Variants in CABLES1 observed in about 807,000 individuals in gnomAD.
CABLES1 encodes CDK5 and ABL1 enzyme substrate 1.
In CABLES1, 36 loss-of-function variants were observed where a neutral mutation model predicts 57.8. That is an observed-to-expected ratio of 0.62 (90% CI 0.48 to 0.82). The LOEUF (loss-of-function observed/expected upper bound fraction) is 0.82. Ranked by LOEUF, CABLES1 falls within the 40% of genes least tolerant of loss-of-function variation. The pLI, the probability that CABLES1 is intolerant of heterozygous loss-of-function variation, is 0.00. For missense variants in CABLES1, 767 were observed against 836.6 expected (o/e 0.92, Z 1.03); for synonymous variants, 374 against 363.0 (o/e 1.03, Z -0.35).
chr18:23,219,013 C>T (rs766202795), intron 4 of CABLES1: 16 of 364,542 alleles, frequency 4.4e-5, no homozygotes, highest in Admixed American at 1.4e-4. Flanking sequence ...TAAGTAAAAG[C>T]AGGGTGTTTG....
intron 3 of CABLES1, among the ~76,000 whole-genome samples, chr18:23,206,349 C>G (rs12456526): frequency 0.075 from 11,465 of 152,306 alleles, 918 homozygotes; most frequent in Admixed American, 0.22. Context: ...CCATGCCACC[C>G]TCAGCTACGC....
intron 1 of CABLES1, among the ~76,000 whole-genome samples, chr18:23,180,539 C>G (rs991243229): frequency 6.6e-6 from 1 of 152,090 alleles, no homozygotes; most frequent in African/African-American, 2.4e-5. Context: ...TTTGTAGAGA[C>G]AGGGTCTCAC....
At chr18:23,236,136 C>T (rs2047608243) in intron 6 of CABLES1, 85 bp downstream of exon 6, 3 of 1,443,138 alleles carry the variant, frequency 2.1e-6, no homozygotes, top group African/African-American at 1.4e-5. Flanking sequence ...CCCTGTGATG[C>T]AGACTGGAAG....
chr18:23,157,342 G>T (rs571255309), intron 1 of CABLES1, among the ~76,000 whole-genome samples: 1 of 152,216 alleles, frequency 6.6e-6, no homozygotes, highest in Non-Finnish European at 1.5e-5. Flanking sequence ...GTAAAGGCGG[G>T]GGGGCGGTGG....
rs150489161 is a variant in CABLES1, at chr18:23,182,280, C to G, written c.846-6558C>G. Among the ~76,000 whole-genome samples, 4 of 152,334 alleles carry G rather than the reference C, an allele frequency of 2.6e-5. No homozygotes were observed. The East Asian group carries it at 7.7e-4, about 29-fold the overall frequency. The stretch of plus-strand genomic sequence containing the variant: ...CCTCAGTGCTCCAGGCTAACTAGCT[C>G]TCTTTCTTCTTGCTTGTTGAACCTT... On this transcript the variant is annotated intron_variant, in intron 1 of 9. Transcript: ENST00000256925.
Position 23,257,212 on chromosome 18 carries a change from TTC to T in CABLES1, c.1762-13_1762-12del, listed in dbSNP as rs760059232. The stretch of plus-strand genomic sequence containing the variant: ...TTTCAAAATGAACATGCTTTTGATT[TTC>T]TTTTTGTTGCAGAAACTGGAAGAGA... On this transcript the variant is annotated splice_polypyrimidine_tract_variant and intron_variant, in intron 9 of 9. Transcript: ENST00000256925. 2.1e-5 allele frequency: 34 copies of T among 1,603,460 alleles called. No individual in the cohort carries two copies. The Middle Eastern group carries it at 6.6e-4, about 31-fold the overall frequency.
intron 1 of CABLES1, among the ~76,000 whole-genome samples, chr18:23,143,465 G>A (rs938351502): frequency 2.0e-5 from 3 of 152,166 alleles, no homozygotes; most frequent in Admixed American, 6.5e-5. Context: ...TACCACCTCC[G>A]CCCTGGGCGG....
intron 1 of CABLES1, among the ~76,000 whole-genome samples, chr18:23,157,383 T>G (rs2047891598): frequency 6.6e-6 from 1 of 152,138 alleles, no homozygotes; most frequent in African/African-American, 2.4e-5. Flanking sequence ...CTGGAAAGAA[T>G]CTGCTTTCTC....
rs2048237505 is a variant in CABLES1, at chr18:23,259,256, TA to T, written c.*1890del. On this transcript the variant is annotated 3_prime_UTR_variant, in exon 10 of 10. Coordinates refer to ENST00000256925, the MANE Select transcript of CABLES1 (RefSeq NM_001100619.3). Reference sequence around the variant, plus strand: ...CCTTTCTGAGAAGCAGGTCCTGTGGTATCTGAGAATGGTCTAGAGAGCTCCC... The same window carrying T: ...CCTTTCTGAGAAGCAGGTCCTGTGGTTCTGAGAATGGTCTAGAGAGCTCCC... 6.6e-6 allele frequency: 1 copy of T among 151,788 alleles called. No individual in the cohort carries two copies. 9.4% of individuals were successfully genotyped at this position (151,788 alleles called of 1,614,324 possible).
Position 23,150,207 on chromosome 18 carries a change from G to GTTTTTTTTTTTTTTTT in CABLES1, c.845+13604_845+13619dup, listed in dbSNP as rs10638130. ...TTTAAGGTCATAGTAGTTGGTGTTT[G>GTTTTTTTTTTTTTTTT]TTTTTTTTTTTTTTTTTTTGAGACG... is the stretch of plus-strand genomic sequence containing the variant. On this transcript the variant is annotated intron_variant, in intron 1 of 9. Transcript: ENST00000256925. Among the ~76,000 whole-genome samples the GTTTTTTTTTTTTTTTT allele has an allele frequency of 1.0e-4, 11 of 106,662 alleles. 1 individual carries two copies. Among genetic ancestry groups the GTTTTTTTTTTTTTTTT allele is most frequent in the African/African-American group, 4.5e-4 (11 of 24,394 alleles). 70.0% of individuals were successfully genotyped at this position (106,662 alleles called of 152,430 possible).
rs1404633687 is a variant in CABLES1, at chr18:23,253,936, C to T, written c.1761C>T (p.Asp587=). 11 of 1,613,688 alleles carry T rather than the reference C, an allele frequency of 6.8e-6. No individual in the cohort carries two copies. The highest frequency in any genetic ancestry group is 4.4e-5 in the South Asian group (4 of 91,088). ...LKKHEVKHLI[D]KLEEKFRLNR... ...AACACGAAGTCAAGCATTTAATTGACGTAAGTAGCCTTTTTCCTGGTGGCT... is the reference window on the plus strand; with the variant it reads ...AACACGAAGTCAAGCATTTAATTGATGTAAGTAGCCTTTTTCCTGGTGGCT... Residue 587 remains aspartate (D), a splice_region_variant and synonymous_variant, in exon 9 of 10, where the codon GAC becomes GAT. Coordinates refer to ENST00000256925, the MANE Select transcript of CABLES1 (RefSeq NM_001100619.3).
Position 23,257,229 on chromosome 18 carries a change from A to G in CABLES1, c.1764A>G (p.Lys588=). Residue 588 remains lysine, a splice_region_variant and synonymous_variant, in exon 10 of 10, where the codon AAA becomes AAG. Transcript: ENST00000256925. ...TTTTGATTTTCTTTTTGTTGCAGAA[A>G]CTGGAAGAGAAGTTCCGGCTGAACA... The part of the protein sequence containing the change: ...KKHEVKHLID[K]LEEKFRLNRR... 6.2e-7 allele frequency: 1 copy of G among 1,603,060 alleles called. No homozygotes were observed. The highest frequency in any genetic ancestry group is 8.5e-7 in the Non-Finnish European group (1 of 1,177,578).
chr18:23,135,779 C>T lies in CABLES1; in HGVS notation c.17C>T (p.Ala6Val). The T allele has an allele frequency of 1.0e-6, 1 of 962,906 alleles. No homozygotes were observed. The highest frequency in any genetic ancestry group is 4.9e-5 in the South Asian group (1 of 20,606). 59.6% of individuals were successfully genotyped at this position (962,906 alleles called of 1,614,324 possible). A position where few individuals can be genotyped will look rare whatever the true frequency, so the allele number is the denominator to read the frequency against. The part of the protein sequence containing the change: MAAAA[A>V]AATTAACSSG... ...ACGGACACAATGGCGGCGGCGGCGG[C>T]GGCCGCCACCACGGCCGCCTGCAGC... Residue 6 changes from alanine to valine, a missense_variant, in exon 1 of 10, where the codon GCG becomes GTG. Physicochemically the swap from Ala to Val is moderately conservative, Grantham distance 64. This residue lies in a region of CABLES1 where 198 missense variants were observed against 149.7 expected (regional missense o/e 1.32). Transcript: ENST00000256925.
intron 1 of CABLES1, among the ~76,000 whole-genome samples, chr18:23,172,439 G>A (rs1311163739): frequency 2.6e-5 from 4 of 152,184 alleles, no homozygotes; most frequent in Non-Finnish European, 4.4e-5. Flanking sequence ...CCAAGAGGTC[G>A]AGAGATCCCA....
intron 3 of CABLES1, among the ~76,000 whole-genome samples, chr18:23,205,813 C>T (rs1485707992): frequency 6.6e-6 from 1 of 152,166 alleles, no homozygotes; most frequent in Admixed American, 6.5e-5. Context: ...GAGCTAAGAT[C>T]ATGCCACTGC....
intron 1 of CABLES1, chr18:23,155,980 A>G: frequency 6.2e-7 from 1 of 1,613,938 alleles, no homozygotes; most frequent in Non-Finnish European, 8.5e-7. Flanking sequence ...CGCCTGGGTG[A>G]CCCAGAGAGC....
At chr18:23,236,259 C>T (rs1263370333) in intron 6 of CABLES1, among the ~76,000 whole-genome samples, 1 of 152,218 alleles carries the variant, frequency 6.6e-6, no homozygotes, top group Admixed American at 6.5e-5. Context: ...TCGTTGACAG[C>T]CTGAGCTTCC....
chr18:23,198,237 G>GTGAC (rs1416447411), intron 3 of CABLES1: 6 of 152,178 alleles, frequency 3.9e-5, no homozygotes, highest in Non-Finnish European at 7.3e-5. Flanking sequence ...TCCAGCCTGG[G>GTGAC]TGACAGAGCA....
chr18:23,145,104 T>G (rs1376855212), intron 1 of CABLES1, among the ~76,000 whole-genome samples: 2 of 151,708 alleles, frequency 1.3e-5, no homozygotes, highest in African/African-American at 4.8e-5. Context: ...CCCAGCTAAT[T>G]TTTTGTATTT....
Sources: allele counts gnomAD v4.1 joint callset (sites outside exome capture counted in the v4.1 genomes callset), GRCh38; gene constraint gnomAD v4.1.1; regional missense constraint gnomAD v4.1.1; transcripts MANE v1.5; gene names NCBI Gene and HGNC (gene_info 2026-07-23, HGNC 2026-07-21).